The following PTPRD variants were observed in gnomAD, a reference collection of about 807,000 sequenced individuals.
The protein encoded by PTPRD is receptor-type tyrosine-protein phosphatase delta.
A neutral mutation model predicts 214.5 loss-of-function variants in PTPRD; 34 were observed. The ratio of observed to expected loss-of-function variants is 0.16; its 90% CI spans 0.12 to 0.21. PTPRD has a LOEUF of 0.21. Among genes scored for constraint, PTPRD ranks in the 10% least tolerant of loss-of-function variants. PTPRD has a pLI of 1.00. For missense variants in PTPRD, 2,545 were observed against 2,398.7 expected (o/e 1.06, Z -1.27); for synonymous variants, 1,128 against 845.7 (o/e 1.33, Z -5.79).
At chr9:10,600,813 C>G (rs1251100103) in intron 2 of PTPRD, among the ~76,000 whole-genome samples, 2 of 151,796 alleles carry the variant, frequency 1.3e-5, no homozygotes, top group Admixed American at 6.6e-5. Flanking sequence ...AAGTCTCATA[C>G]AGAGTACTAT....
At chr9:9,018,670 C>G (rs2099546501) in intron 11 of PTPRD, 27 bp downstream of exon 11, 1 of 152,186 alleles carries the variant, frequency 6.6e-6, no homozygotes, top group African/African-American at 2.4e-5. Context: ...AAGCCAGGCA[C>G]ACAACCCAGT....
chr9:8,382,774 C>G (rs146573427), intron 37 of PTPRD, among the ~76,000 whole-genome samples: 1 of 152,288 alleles, frequency 6.6e-6, no homozygotes, highest in African/African-American at 2.4e-5. Context: ...CATGCAGACT[C>G]CAAAGGCAAT....
chr9:9,352,538 G>T (rs771988308), intron 9 of PTPRD, among the ~76,000 whole-genome samples: 1 of 151,762 alleles, frequency 6.6e-6, no homozygotes, highest in Non-Finnish European at 1.5e-5. Flanking sequence ...AGTTAGTCCA[G>T]AGACAAACTC....
chr9:9,721,367 T>A (rs1176429748), intron 7 of PTPRD, among the ~76,000 whole-genome samples: 1 of 152,188 alleles, frequency 6.6e-6, no homozygotes, highest in Non-Finnish European at 1.5e-5. Flanking sequence ...ATAAGGACTA[T>A]ACTATTTTTA....
At chr9:10,189,225 G>A (rs527276180) in intron 3 of PTPRD, among the ~76,000 whole-genome samples, 1 of 152,218 alleles carries the variant, frequency 6.6e-6, no homozygotes, top group Non-Finnish European at 1.5e-5. Context: ...AAGGTCTGGG[G>A]AATTTCACTG....
chr9:9,165,051 CAAAAAA>C (rs35703586), intron 10 of PTPRD, among the ~76,000 whole-genome samples: 1 of 117,452 alleles, frequency 8.5e-6, no homozygotes, highest in African/African-American at 3.1e-5. Flanking sequence ...GACTCCATCT[CAAAAAA>C]AAAAAAAAAA....
At chr9:9,449,526 T>C (rs985642771) in intron 8 of PTPRD, among the ~76,000 whole-genome samples, 3 of 152,110 alleles carry the variant, frequency 2.0e-5, no homozygotes, top group South Asian at 4.1e-4. Context: ...CCTGCCCTGA[T>C]GGAGTACAGC....
intron 10 of PTPRD, among the ~76,000 whole-genome samples, chr9:9,056,651 T>C (rs942062250): frequency 6.6e-6 from 1 of 152,204 alleles, no homozygotes; most frequent in African/African-American, 2.4e-5. Context: ...TGGGCAGTAA[T>C]GGTTTTTTGG....
chr9:10,165,211 C>G (rs1356077395), intron 3 of PTPRD, among the ~76,000 whole-genome samples: 1 of 151,596 alleles, frequency 6.6e-6, no homozygotes, highest in Non-Finnish European at 1.5e-5. Flanking sequence ...GCTATTATGT[C>G]TTATATTTGC....
intron 7 of PTPRD, among the ~76,000 whole-genome samples, chr9:9,649,949 G>C (rs1272627060): frequency 6.6e-6 from 1 of 152,092 alleles, no homozygotes; most frequent in Non-Finnish European, 1.5e-5. Context: ...GCTAGCGATA[G>C]AAAAAATGAA....
intron 5 of PTPRD, among the ~76,000 whole-genome samples, chr9:9,887,684 C>T (rs1404469149): frequency 1.3e-5 from 2 of 152,072 alleles, no homozygotes; most frequent in African/African-American, 4.8e-5. Flanking sequence ...AGTGAAAGAC[C>T]TAACTTGCAC....
intron 8 of PTPRD, among the ~76,000 whole-genome samples, chr9:9,452,107 G>C (rs535178178): frequency 7.3e-5 from 11 of 151,414 alleles, no homozygotes; most frequent in African/African-American, 2.4e-4. Context: ...TCTATACCTA[G>C]CAGTTTATAA....
At chr9:9,093,514 A>C (rs2099779215) in intron 10 of PTPRD, among the ~76,000 whole-genome samples, 1 of 152,034 alleles carries the variant, frequency 6.6e-6, no homozygotes, top group African/African-American at 2.4e-5. Flanking sequence ...TCAAGCAGAA[A>C]TTAGTAATAA....
At chr9:8,684,972 T>C (rs910395324) in intron 12 of PTPRD, among the ~76,000 whole-genome samples, 6 of 152,138 alleles carry the variant, frequency 3.9e-5, no homozygotes, top group Non-Finnish European at 8.8e-5. Context: ...TAAATTGCTT[T>C]GAGTGAATTT....
At chr9:9,129,556 C>T (rs373655259) in intron 10 of PTPRD, among the ~76,000 whole-genome samples, 8 of 152,184 alleles carry the variant, frequency 5.3e-5, no homozygotes, top group African/African-American at 1.9e-4. Context: ...GCTGATACAT[C>T]GTTCAATTAA....
intron 14 of PTPRD, among the ~76,000 whole-genome samples, chr9:8,592,270 A>G (rs558670762): frequency 1.4e-4 from 22 of 152,232 alleles, no homozygotes; most frequent in African/African-American, 4.6e-4. Flanking sequence ...TACACCCCCA[A>G]ATTCAACCCA....
rs187332615 is a variant in PTPRD at position 9,969,003 on chromosome 9, T to C, written c.-471-30393A>G. 4.6e-5 allele frequency among the ~76,000 whole-genome samples: 7 copies of C among 152,290 alleles called. No homozygotes were observed. In the East Asian group the frequency reaches 1.4e-3, roughly 29 times the overall value. On this transcript the variant is annotated intron_variant, in intron 4 of 45. Coordinates refer to ENST00000381196, the MANE Select transcript of PTPRD (RefSeq NM_002839.4). ...ATCTTGGCCTCATAGATACTGCAGTTAGTTTAGTAGGAGAGAGTCCATAGT... is the reference window on the plus strand; with the variant it reads ...ATCTTGGCCTCATAGATACTGCAGTCAGTTTAGTAGGAGAGAGTCCATAGT...
rs140086529 is a variant in PTPRD at position 9,989,555 on chromosome 9, T to C, written c.-472+44163A>G. ...TCCATCCCCCTTCTAGCTCCCCTTC[T>C]TGCCGAGAGCCACTTCCTCTGCTCA... On this transcript the variant is annotated intron_variant, in intron 4 of 45. Coordinates refer to ENST00000381196, the MANE Select transcript of PTPRD (RefSeq NM_002839.4). Among the ~76,000 whole-genome samples, 16 of 152,228 alleles carry C rather than the reference T, an allele frequency of 1.1e-4. No homozygotes were observed. The East Asian group carries it at 2.7e-3, about 26-fold the overall frequency.
chr9:9,570,429 A>G (rs1299094359), intron 8 of PTPRD, among the ~76,000 whole-genome samples: 3 of 151,546 alleles, frequency 2.0e-5, no homozygotes, highest in Admixed American at 2.0e-4. Context: ...ACTGGCATCA[A>G]TTACCTCTAT....
Sources: gnomAD v4.1 joint callset for allele counts (sites outside exome capture counted in the v4.1 genomes callset) on GRCh38, gnomAD v4.1.1 for gene constraint, MANE v1.5 for transcripts, NCBI Gene and HGNC (gene_info 2026-07-23, HGNC 2026-07-21) for gene names.